STARD13: variants seen among roughly 807,000 people sequenced by gnomAD.
STARD13 encodes the protein StAR related lipid transfer domain containing 13.
STARD13 carries 62 observed loss-of-function variants against 106.4 expected under a neutral mutation model. The ratio of observed to expected loss-of-function variants is 0.58; its 90% CI spans 0.48 to 0.72. The LOEUF (loss-of-function observed/expected upper bound fraction) is 0.72. STARD13 is among the 30% of genes least tolerant of loss of function. The pLI, the probability that STARD13 is intolerant of heterozygous loss-of-function variation, is 0.00. For synonymous variants in STARD13, 565 were observed against 553.0 expected (o/e 1.02, Z -0.31); for missense variants, 1,387 against 1,424.0 (o/e 0.97, Z 0.42).
chr13:33,645,388 T>C, the STARD13 span, among the ~76,000 whole-genome samples: 18 of 152,286 alleles, frequency 1.2e-4, no homozygotes, highest in African/African-American at 4.3e-4. Context: ...ATGATGTGTC[T>C]ATAGGTGGAT....
the STARD13 span, among the ~76,000 whole-genome samples, chr13:33,444,964 T>C: frequency 1.3e-5 from 2 of 152,202 alleles, no homozygotes; most frequent in Admixed American, 1.3e-4. Context: ...AATTGCTTTT[T>C]GAAACAAATG....
intron 1 of STARD13, among the ~76,000 whole-genome samples, chr13:33,202,063 C>T (rs970909681): frequency 2.6e-5 from 4 of 152,110 alleles, no homozygotes; most frequent in African/African-American, 9.7e-5. Context: ...AGGAGAATTA[C>T]TGGATCAGAG....
chr13:33,432,000 G>A, the STARD13 span, among the ~76,000 whole-genome samples: 1 of 152,178 alleles, frequency 6.6e-6, no homozygotes, highest in African/African-American at 2.4e-5. Flanking sequence ...CGGTGAACCT[G>A]AATCAGAGTA....
the STARD13 span, among the ~76,000 whole-genome samples, chr13:33,614,581 C>T: frequency 1.3e-5 from 2 of 151,950 alleles, no homozygotes; most frequent in South Asian, 2.1e-4. Context: ...AACACATATA[C>T]GTGAGCAAAT....
chr13:33,466,647 A>G, the STARD13 span, among the ~76,000 whole-genome samples: 1 of 152,220 alleles, frequency 6.6e-6, no homozygotes, highest in African/African-American at 2.4e-5. Context: ...ATCTTACTGA[A>G]CTTTAATGTA....
chr13:33,253,474 T>G (rs910892157), intron 1 of STARD13, among the ~76,000 whole-genome samples: 1 of 152,132 alleles, frequency 6.6e-6, no homozygotes, highest in African/African-American at 2.4e-5. Flanking sequence ...CACACAGAAC[T>G]TAAGTTGAGC....
the STARD13 span, among the ~76,000 whole-genome samples, chr13:33,371,613 G>C: frequency 2.6e-5 from 4 of 152,322 alleles, no homozygotes; most frequent in East Asian, 7.7e-4. Context: ...GTTCCCTCCT[G>C]CTCCCTGAGT....
intron 1 of STARD13, chr13:33,276,840 C>T (rs1250102170): frequency 6.6e-6 from 1 of 152,142 alleles, no homozygotes; most frequent in Non-Finnish European, 1.5e-5. Context: ...CAACACAAAT[C>T]ATTTGTATTT....
chr13:33,214,584 C>A (rs776203094), intron 1 of STARD13, among the ~76,000 whole-genome samples: 4 of 152,138 alleles, frequency 2.6e-5, no homozygotes, highest in East Asian at 1.9e-4. Flanking sequence ...GCTCCACAAC[C>A]TTTCAGTGAC....
intron 1 of STARD13, among the ~76,000 whole-genome samples, chr13:33,246,027 G>A (rs1459182082): frequency 6.6e-6 from 1 of 152,100 alleles, no homozygotes; most frequent in Non-Finnish European, 1.5e-5. Context: ...ATATTTGAAG[G>A]GTGCAGGAAG....
chr13:33,141,690 G>A (rs954346339), intron 4 of STARD13, among the ~76,000 whole-genome samples: 2 of 152,076 alleles, frequency 1.3e-5, no homozygotes, highest in Admixed American at 6.5e-5. Context: ...CTTGACACAT[G>A]CATGAAATAA....
chr13:33,474,207 G>A, the STARD13 span, among the ~76,000 whole-genome samples: 1 of 152,174 alleles, frequency 6.6e-6, no homozygotes, highest in Non-Finnish European at 1.5e-5. Context: ...GTTCTAACCA[G>A]AGTCGAGCTA....
At chr13:33,663,422 G>A in the STARD13 span, among the ~76,000 whole-genome samples, 1 of 152,142 alleles carries the variant, frequency 6.6e-6, no homozygotes, top group Non-Finnish European at 1.5e-5. Flanking sequence ...CTAGGGTATA[G>A]TTTATTCATT....
At chr13:33,597,201 AT>A in the STARD13 span, among the ~76,000 whole-genome samples, 29 of 152,100 alleles carry the variant, frequency 1.9e-4, 1 homozygote, top group South Asian at 6.0e-3. Flanking sequence ...AGCATTTCTT[AT>A]TTCCTGTCTT....
chr13:33,370,411 G>T, the STARD13 span, among the ~76,000 whole-genome samples: 1 of 151,938 alleles, frequency 6.6e-6, no homozygotes, highest in Non-Finnish European at 1.5e-5. Context: ...TGGTTTTCAC[G>T]GTACAATTAG....
At chr13:33,292,261 A>T (rs1288646337) in intron 1 of STARD13, among the ~76,000 whole-genome samples, 1 of 152,096 alleles carries the variant, frequency 6.6e-6, no homozygotes, top group African/African-American at 2.4e-5. Context: ...GAAAAACAAA[A>T]CAGTGGTCAA....
At chr13:33,179,218 G>C (rs797214) in intron 1 of STARD13, among the ~76,000 whole-genome samples, 2 of 152,324 alleles carry the variant, frequency 1.3e-5, no homozygotes, top group Admixed American at 6.5e-5. Context: ...AATTGAACCA[G>C]ATGGGCACAA....
At chr13:33,653,751 T>C in the STARD13 span, among the ~76,000 whole-genome samples, 519 of 151,994 alleles carry the variant, frequency 3.4e-3, 1 homozygote, top group African/African-American at 0.012. Flanking sequence ...AACCACAAAA[T>C]TGAGGAAGAT....
intron 4 of STARD13, among the ~76,000 whole-genome samples, chr13:33,136,420 C>T (rs553251717): frequency 6.6e-6 from 1 of 152,324 alleles, no homozygotes; most frequent in South Asian, 2.1e-4. Context: ...ACCCTCAAGC[C>T]AAAGACAGTT....
Sources: gnomAD v4.1 joint callset for allele counts (sites outside exome capture counted in the v4.1 genomes callset) on GRCh38, gnomAD v4.1.1 for gene constraint, MANE v1.5 for transcripts, NCBI Gene and HGNC (gene_info 2026-07-23, HGNC 2026-07-21) for gene names.